ZYG11B: variants seen among roughly 807,000 people sequenced by gnomAD.
The protein encoded by ZYG11B is protein zyg-11 homolog B.
A neutral mutation model predicts 82.4 loss-of-function variants in ZYG11B; 36 were observed. That is an observed-to-expected ratio of 0.44 (90% confidence interval 0.33 to 0.58). The LOEUF is 0.58. Ranked by LOEUF, ZYG11B falls within the 20% of genes least tolerant of loss-of-function variation. The pLI is 0.02. For synonymous variants in ZYG11B, 303 were observed against 312.8 expected, an observed-to-expected ratio of 0.97 and a Z score of 0.33; for missense variants, 552 against 895.6, an observed-to-expected ratio of 0.62 and a Z score of 4.90.
chr1:52,756,692 T>C, intron 2 of ZYG11B, 69 bp downstream of exon 2: 2 of 1,448,344 alleles, frequency 1.4e-6, no homozygotes, highest in South Asian at 1.4e-5. Context: ...AGTGCTACAG[T>C]AGCCATTTAA....
At chr1:52,820,587 G>T (rs973586878) in intron 13 of ZYG11B, among the ~76,000 whole-genome samples, 6 of 151,896 alleles carry the variant, frequency 4.0e-5, no homozygotes, top group Admixed American at 3.9e-4. Context: ...GGCAGAGGTT[G>T]CAGTGAGCCA....
intron 2 of ZYG11B, among the ~76,000 whole-genome samples, chr1:52,763,442 C>T (rs553838481): frequency 7.2e-5 from 11 of 152,118 alleles, no homozygotes; most frequent in African/African-American, 2.2e-4. Context: ...GGCAGGGTCT[C>T]GCTTTGTTAC....
At chr1:52,801,194 G>A (rs988436615) in intron 8 of ZYG11B, among the ~76,000 whole-genome samples, 1 of 152,100 alleles carries the variant, frequency 6.6e-6, no homozygotes, top group African/African-American at 2.4e-5. Context: ...CAGAGGTACT[G>A]CAGCATCTGC....
rs1645007390 is a variant in ZYG11B at position 52,796,505 on chromosome 1, C to T, written c.1434+114C>T. 4.1e-6 allele frequency: 4 copies of T among 970,140 alleles called. No homozygotes were observed. The East Asian group carries it at 1.1e-4, about 26-fold the overall frequency. 60.1% of individuals were successfully genotyped at this position (970,140 alleles called of 1,614,324 possible). A position where few individuals can be genotyped will look rare whatever the true frequency, so the allele number is the denominator to read the frequency against. On this transcript the variant is annotated intron_variant, in intron 7 of 13. Coordinates refer to ENST00000294353, the MANE Select transcript of ZYG11B (RefSeq NM_024646.3). Reference sequence around the variant, plus strand: ...ATTAGTAAATCTCTCTGCCAGCCTGCTTATTCAAGCTACATTCGATATTGC... The same window carrying T: ...ATTAGTAAATCTCTCTGCCAGCCTGTTTATTCAAGCTACATTCGATATTGC...
chr1:52,767,706 A>C (rs965888937), intron 2 of ZYG11B, among the ~76,000 whole-genome samples: 1 of 152,242 alleles, frequency 6.6e-6, no homozygotes, highest in South Asian at 2.1e-4. Flanking sequence ...CTAGGATTCT[A>C]TTGATACTTC....
At chr1:52,788,079 C>T (rs1352065969) in intron 5 of ZYG11B, among the ~76,000 whole-genome samples, 1 of 152,006 alleles carries the variant, frequency 6.6e-6, no homozygotes, top group Non-Finnish European at 1.5e-5. Context: ...TGTGAATGTG[C>T]AGGCATTCCA....
chr1:52,758,412 G>A (rs566135213), intron 2 of ZYG11B, among the ~76,000 whole-genome samples: 1 of 152,082 alleles, frequency 6.6e-6, no homozygotes, highest in South Asian at 2.1e-4. Flanking sequence ...TATCATTCCC[G>A]TTAACATATA....
chr1:52,791,375 A>AT (rs949295967), intron 6 of ZYG11B, among the ~76,000 whole-genome samples: 53 of 148,456 alleles, frequency 3.6e-4, no homozygotes, highest in Non-Finnish European at 5.9e-4. Flanking sequence ...ATTTTATTTT[A>AT]TTTTTTTTTT....
intron 2 of ZYG11B, among the ~76,000 whole-genome samples, chr1:52,769,169 C>T (rs1485667577): frequency 6.6e-6 from 1 of 152,034 alleles, no homozygotes; most frequent in African/African-American, 2.4e-5. Flanking sequence ...GAGTACTTGA[C>T]ATATAGTAAT....
At chr1:52,737,358 G>A in intron 1 of ZYG11B, among the ~76,000 whole-genome samples, 1 of 152,158 alleles carries the variant, frequency 6.6e-6, no homozygotes. Context: ...TAATGAGGCT[G>A]GCTGTGTCTC....
chr1:52,763,761 A>G (rs1644657285), intron 2 of ZYG11B, among the ~76,000 whole-genome samples: 1 of 152,218 alleles, frequency 6.6e-6, no homozygotes, highest in African/African-American at 2.4e-5. Flanking sequence ...AGAGCTAGAA[A>G]TCAGAGTGAG....
chr1:52,800,984 T>C (rs1301014255), intron 8 of ZYG11B, among the ~76,000 whole-genome samples: 1 of 152,234 alleles, frequency 6.6e-6, no homozygotes, highest in Non-Finnish European at 1.5e-5. Flanking sequence ...AAGTATAATC[T>C]AAAAATTGAA....
chr1:52,733,571 G>A (rs1644352438), intron 1 of ZYG11B, among the ~76,000 whole-genome samples: 1 of 152,116 alleles, frequency 6.6e-6, no homozygotes, highest in Non-Finnish European at 1.5e-5. Context: ...TGAGGTGGGA[G>A]GATTGCTTGA....
At chr1:52,782,559 T>C (rs1644865677) in intron 4 of ZYG11B, among the ~76,000 whole-genome samples, 1 of 151,994 alleles carries the variant, frequency 6.6e-6, no homozygotes. Flanking sequence ...TGGCTAATTT[T>C]TCAAATTTTT....
Position 52,780,093 on chromosome 1 carries a change from A to G in ZYG11B, c.1092+100A>G, listed in dbSNP as rs1644842744. ...GAAAATTTGCATTTAGTCTTTTTTTATTATTTATAATGTGATTGATGACGT... is the reference window on the plus strand; with the variant it reads ...GAAAATTTGCATTTAGTCTTTTTTTGTTATTTATAATGTGATTGATGACGT... On this transcript the variant is annotated intron_variant, in intron 4 of 13. Coordinates refer to ENST00000294353, the MANE Select transcript of ZYG11B (RefSeq NM_024646.3). The G allele has an allele frequency of 5.2e-6, 6 of 1,152,228 alleles. No homozygotes were observed. The South Asian group carries it at 7.8e-5, about 15-fold the overall frequency. 71.4% of individuals were successfully genotyped at this position (1,152,228 alleles called of 1,614,324 possible).
rs574964673 is a variant in ZYG11B at position 52,766,780 on chromosome 1, G to A, written c.197-4240G>A. Among the ~76,000 whole-genome samples the A allele has an allele frequency of 9.2e-5, 14 of 152,170 alleles. No individual in the cohort carries two copies. The Middle Eastern group carries it at 0.01, about 111-fold the overall frequency. Reference sequence around the variant, plus strand: ...TCCCAGCACTTTGGGAGGCCGAGGCGGGCGGATCACGAGGTCAGGAGATCA... The same window carrying A: ...TCCCAGCACTTTGGGAGGCCGAGGCAGGCGGATCACGAGGTCAGGAGATCA... On this transcript the variant is annotated intron_variant, in intron 2 of 13. Coordinates refer to ENST00000294353, the MANE Select transcript of ZYG11B (RefSeq NM_024646.3).
rs983059941 is a variant in ZYG11B, at chr1:52,824,986, A to T, written c.*3357A>T. On this transcript the variant is annotated 3_prime_UTR_variant, in exon 14 of 14. Coordinates refer to ENST00000294353, the MANE Select transcript of ZYG11B (RefSeq NM_024646.3). Reference sequence around the variant, plus strand: ...TTGTTCAAATCATTGGTGGGCTCCAATGTAAAATATCACTACATCAGTCCA... The same window carrying T: ...TTGTTCAAATCATTGGTGGGCTCCATTGTAAAATATCACTACATCAGTCCA... 4 of 152,168 alleles carry T rather than the reference A, an allele frequency of 2.6e-5. No homozygotes were observed. The highest frequency in any genetic ancestry group is 7.2e-5 in the African/African-American group (3 of 41,450). The allele number at this position is 152,168 out of a possible 1,614,324, so 9.4% of individuals were successfully genotyped here.
At chr1:52,746,687 G>GTT (rs11446988) in intron 1 of ZYG11B, among the ~76,000 whole-genome samples, 1,310 of 33,456 alleles carry the variant, frequency 0.039, 411 homozygotes, top group Middle Eastern at 0.078. Flanking sequence ...ATCGGCCACT[G>GTT]TTTTTTTTTT....
intron 3 of ZYG11B, chr1:52,772,646 C>A: frequency 1.1e-6 from 1 of 887,788 alleles, no homozygotes. Flanking sequence ...GCATACGACC[C>A]ATGATGGCGG....
Sources: allele counts gnomAD v4.1 joint callset (sites outside exome capture counted in the v4.1 genomes callset), GRCh38; gene constraint gnomAD v4.1.1; transcripts MANE v1.5; gene names NCBI Gene and HGNC (gene_info 2026-07-23, HGNC 2026-07-21).